Variants in RSRC1 observed in about 807,000 individuals in gnomAD.
RSRC1 encodes serine/Arginine-related protein 53.
RSRC1 carries 39 observed loss-of-function variants against 49.1 expected under a neutral mutation model. That is an observed-to-expected ratio of 0.79 (90% CI 0.61 to 1.04). The LOEUF is 1.04. Among genes scored for constraint, RSRC1 ranks in the 50% least tolerant of loss-of-function variants. The pLI is 0.00. For synonymous variants in RSRC1, 143 were observed against 130.8 expected, an observed-to-expected ratio of 1.09 and a Z score of -0.63; for missense variants, 388 against 402.4, an observed-to-expected ratio of 0.96 and a Z score of 0.31.
chr3:158,423,074 A>G (rs1466641409), intron 6 of RSRC1, among the ~76,000 whole-genome samples: 2 of 152,016 alleles, frequency 1.3e-5, no homozygotes, highest in Non-Finnish European at 1.5e-5. Context: ...GAAGCTCTTT[A>G]GTTTAATGAG....
At chr3:158,249,723 G>A (rs1444905545) in intron 4 of RSRC1, among the ~76,000 whole-genome samples, 4 of 151,730 alleles carry the variant, frequency 2.6e-5, no homozygotes, top group Non-Finnish European at 4.4e-5. Flanking sequence ...ATATATTAAT[G>A]GAGTACATGA....
At chr3:158,231,966 CTT>C (rs1228346980) in intron 4 of RSRC1, among the ~76,000 whole-genome samples, 3 of 152,042 alleles carry the variant, frequency 2.0e-5, no homozygotes, top group South Asian at 2.1e-4. Context: ...AAAATAGAGA[CTT>C]ATTAAAATAA....
At chr3:158,248,985 G>C (rs1228239720) in intron 4 of RSRC1, among the ~76,000 whole-genome samples, 2 of 152,118 alleles carry the variant, frequency 1.3e-5, no homozygotes, top group African/African-American at 2.4e-5. Context: ...TAGTCGTTCT[G>C]ATGGATTTGT....
intron 5 of RSRC1, among the ~76,000 whole-genome samples, chr3:158,330,125 CATCT>C (rs1326581283): frequency 6.6e-6 from 1 of 152,258 alleles, no homozygotes; most frequent in African/African-American, 2.4e-5. Flanking sequence ...TTCCAGGTGC[CATCT>C]GTCACCCCTT....
At chr3:158,464,604 G>T (rs952311956) in intron 7 of RSRC1, among the ~76,000 whole-genome samples, 13 of 144,082 alleles carry the variant, frequency 9.0e-5, no homozygotes, top group Non-Finnish European at 9.2e-5. Context: ...ATCAAATCTT[G>T]CCAGAGCTGA....
chr3:158,234,608 A>C (rs904960118), intron 4 of RSRC1, among the ~76,000 whole-genome samples: 1 of 152,020 alleles, frequency 6.6e-6, no homozygotes, highest in Admixed American at 6.6e-5. Context: ...TTTTTTTTAA[A>C]AAGGATATAT....
At chr3:158,305,834 A>C (rs927652488) in intron 5 of RSRC1, among the ~76,000 whole-genome samples, 4 of 152,088 alleles carry the variant, frequency 2.6e-5, no homozygotes, top group African/African-American at 9.7e-5. Context: ...TGTGACCTCT[A>C]GAAAGGCACA....
intron 5 of RSRC1, among the ~76,000 whole-genome samples, chr3:158,305,289 GAT>G (rs1209946411): frequency 6.6e-6 from 1 of 151,942 alleles, no homozygotes; most frequent in Non-Finnish European, 1.5e-5. Flanking sequence ...CAATTTTCAT[GAT>G]ATTGTTGATA....
intron 6 of RSRC1, among the ~76,000 whole-genome samples, chr3:158,375,363 A>G (rs1732306188): frequency 1.3e-5 from 2 of 148,924 alleles, no homozygotes; most frequent in African/African-American, 2.5e-5. Context: ...AACATTTCAT[A>G]TCCTTTTTTT....
At chr3:158,384,679 A>C (rs1002836766) in intron 6 of RSRC1, among the ~76,000 whole-genome samples, 8 of 152,180 alleles carry the variant, frequency 5.3e-5, no homozygotes, top group Non-Finnish European at 1.5e-5. Flanking sequence ...GCCTCAACAG[A>C]AACTTGGCCT....
intron 5 of RSRC1, among the ~76,000 whole-genome samples, chr3:158,334,649 TTGTGTGTGTGTGTGTG>T (rs71840277): frequency 3.6e-5 from 5 of 137,448 alleles, no homozygotes. Context: ...CCCAGCTAAT[TTGTGTGTGTGTGTGTG>T]TGTGTGTGTG....
intron 3 of RSRC1, among the ~76,000 whole-genome samples, chr3:158,181,141 C>G (rs1719602801): frequency 6.6e-6 from 1 of 152,150 alleles, no homozygotes; most frequent in Non-Finnish European, 1.5e-5. Context: ...GTAACTGATA[C>G]ATGGCTAGGG....
intron 5 of RSRC1, among the ~76,000 whole-genome samples, chr3:158,343,063 G>T (rs1041896260): frequency 6.6e-6 from 1 of 152,192 alleles, no homozygotes; most frequent in Non-Finnish European, 1.5e-5. Flanking sequence ...TGCCCCTTGA[G>T]TATTTAGCAG....
intron 4 of RSRC1, among the ~76,000 whole-genome samples, chr3:158,244,099 A>G (rs1309455529): frequency 1.3e-5 from 2 of 151,904 alleles, no homozygotes; most frequent in Non-Finnish European, 2.9e-5. Context: ...CTCTCTATCT[A>G]TTTGAATGTC....
At chr3:158,256,107 G>A (rs892370536) in intron 4 of RSRC1, among the ~76,000 whole-genome samples, 22 of 152,100 alleles carry the variant, frequency 1.4e-4, no homozygotes, top group African/African-American at 5.1e-4. Context: ...TGTTGAATCC[G>A]AGTGGTGAGA....
At chr3:158,247,959 A>G (rs1467720962) in intron 4 of RSRC1, among the ~76,000 whole-genome samples, 1 of 152,200 alleles carries the variant, frequency 6.6e-6, no homozygotes, top group Non-Finnish European at 1.5e-5. Flanking sequence ...GACCAATGGA[A>G]GAGAATAGAG....
At chr3:158,180,642 T>A (rs934626870) in intron 3 of RSRC1, among the ~76,000 whole-genome samples, 1 of 151,246 alleles carries the variant, frequency 6.6e-6, no homozygotes, top group Admixed American at 6.6e-5. Context: ...ATTTTTGCAT[T>A]TTTCAAAAGA....
At chr3:158,452,272 C>T (rs905050842) in intron 6 of RSRC1, among the ~76,000 whole-genome samples, 2 of 152,118 alleles carry the variant, frequency 1.3e-5, no homozygotes, top group African/African-American at 2.4e-5. Context: ...TTCACTAATA[C>T]TATACACATA....
intron 6 of RSRC1, among the ~76,000 whole-genome samples, chr3:158,428,478 T>C (rs982226178): frequency 4.0e-5 from 6 of 151,796 alleles, no homozygotes; most frequent in African/African-American, 1.5e-4. Context: ...CCTGAGCAAT[T>C]GTTAAACCCC....
Sources: allele counts gnomAD v4.1 joint callset (sites outside exome capture counted in the v4.1 genomes callset), GRCh38; gene constraint gnomAD v4.1.1; transcripts MANE v1.5; gene names NCBI Gene and HGNC (gene_info 2026-07-23, HGNC 2026-07-21).